Variants in STK32B observed in about 807,000 individuals in gnomAD.
The protein encoded by STK32B is serine/threonine-protein kinase 32B.
A neutral mutation model predicts 52.6 loss-of-function variants in STK32B; 43 were observed. The ratio of observed to expected loss-of-function variants is 0.82; its 90% CI spans 0.64 to 1.05. STK32B has a LOEUF of 1.05. Ranked by LOEUF, STK32B falls within the 50% of genes least tolerant of loss-of-function variation. The probability of loss-of-function intolerance (pLI) is 0.00; values close to 1 mark genes in which losing one functional copy is unlikely to be tolerated. For missense variants in STK32B, 621 were observed against 534.6 expected, an observed-to-expected ratio of 1.16 and a Z score of -1.59; for synonymous variants, 238 against 204.3, an observed-to-expected ratio of 1.17 and a Z score of -1.41.
At chr4:5,320,266 T>C (rs1012277936) in intron 3 of STK32B, among the ~76,000 whole-genome samples, 2 of 152,110 alleles carry the variant, frequency 1.3e-5, no homozygotes, top group Non-Finnish European at 2.9e-5. Context: ...GCCTGGTACA[T>C]AGTAGGTGTT....
At chr4:5,381,137 A>G (rs888622581) in intron 4 of STK32B, among the ~76,000 whole-genome samples, 2 of 152,246 alleles carry the variant, frequency 1.3e-5, no homozygotes, top group Non-Finnish European at 2.9e-5. Context: ...TGCCTGGCAC[A>G]CAGTAAGCTG....
intron 3 of STK32B, among the ~76,000 whole-genome samples, chr4:5,201,966 CA>C (rs1309705871): frequency 6.6e-6 from 1 of 152,188 alleles, no homozygotes; most frequent in African/African-American, 2.4e-5. Flanking sequence ...TCTCACATTT[CA>C]AAACACAATC....
At chr4:5,494,140 C>G (rs1284674104) in intron 11 of STK32B, among the ~76,000 whole-genome samples, 1 of 152,070 alleles carries the variant, frequency 6.6e-6, no homozygotes, top group East Asian at 1.9e-4. Flanking sequence ...TCTTTGTTAA[C>G]TTTCTGTCTC....
chr4:5,409,096 A>G (rs1323123116), intron 5 of STK32B, among the ~76,000 whole-genome samples: 1 of 152,108 alleles, frequency 6.6e-6, no homozygotes, highest in Non-Finnish European at 1.5e-5. Flanking sequence ...GAACTCCTCC[A>G]TCTATTGAGA....
chr4:5,033,145 A>G, the STK32B span, among the ~76,000 whole-genome samples: 9 of 152,306 alleles, frequency 5.9e-5, no homozygotes, highest in South Asian at 2.1e-4. Context: ...ACACTAGCCT[A>G]TAAGGGCCCC....
chr4:5,417,697 T>C (rs1333576674), intron 6 of STK32B, among the ~76,000 whole-genome samples: 1 of 152,246 alleles, frequency 6.6e-6, no homozygotes, highest in East Asian at 1.9e-4. Flanking sequence ...TTAATATCTT[T>C]ATTACGTGTT....
intron 11 of STK32B, among the ~76,000 whole-genome samples, chr4:5,487,194 C>A (rs1719297365): frequency 6.6e-6 from 1 of 152,088 alleles, no homozygotes; most frequent in Non-Finnish European, 1.5e-5. Context: ...GGGTCTTTGT[C>A]AGGGACCCAA....
intron 2 of STK32B, among the ~76,000 whole-genome samples, chr4:5,154,343 G>A (rs1045184707): frequency 6.6e-6 from 1 of 151,558 alleles, no homozygotes; most frequent in Non-Finnish European, 1.5e-5. Context: ...AGCCTCCCAA[G>A]TAGCTGAGAT....
At chr4:5,039,874 C>T in the STK32B span, among the ~76,000 whole-genome samples, 7 of 152,180 alleles carry the variant, frequency 4.6e-5, no homozygotes, top group African/African-American at 9.7e-5. Flanking sequence ...ATGCTGCACA[C>T]GACTGTTAAG....
At chr4:5,332,650 C>A (rs1198683833) in intron 4 of STK32B, among the ~76,000 whole-genome samples, 1 of 152,136 alleles carries the variant, frequency 6.6e-6, no homozygotes, top group Non-Finnish European at 1.5e-5. Flanking sequence ...TCCCCGCTGC[C>A]TCCACCCCAC....
chr4:5,220,050 A>C (rs1236314890), intron 3 of STK32B, among the ~76,000 whole-genome samples: 1 of 152,190 alleles, frequency 6.6e-6, no homozygotes. Flanking sequence ...GTACACACTA[A>C]AGCTTTTAAT....
intron 1 of STK32B, among the ~76,000 whole-genome samples, chr4:5,122,987 G>C (rs1715153933): frequency 1.3e-5 from 2 of 152,090 alleles, no homozygotes; most frequent in African/African-American, 4.8e-5. Context: ...ATTTCCTCCT[G>C]TGGCTGTGGA....
intron 1 of STK32B, among the ~76,000 whole-genome samples, chr4:5,086,113 A>G (rs574520767): frequency 6.6e-6 from 1 of 152,294 alleles, no homozygotes; most frequent in African/African-American, 2.4e-5. Context: ...CTTTAGAAGA[A>G]ATGCTGGGAA....
intron 3 of STK32B, among the ~76,000 whole-genome samples, chr4:5,212,305 G>A (rs1344634423): frequency 1.3e-5 from 2 of 152,130 alleles, no homozygotes; most frequent in East Asian, 3.9e-4. Context: ...GTCAGAACCA[G>A]GATTCAGACC....
rs780597100 is a variant in STK32B, at chr4:5,333,328, GT to G, written c.434+1942del. ...CCTTTGCCCACTTTTTGATGGGGTT[GT>G]TTTTTTCTTGTAAATTTGTTTGAGT... On this transcript the variant is annotated intron_variant, in intron 4 of 11. Transcript: ENST00000282908. 9.8e-3 allele frequency among the ~76,000 whole-genome samples: 1,486 copies of G among 152,236 alleles called. 11 individuals are homozygous for G. Among genetic ancestry groups the G allele is most frequent in the Non-Finnish European group, 0.016 (1,085 of 68,004 alleles).
intron 3 of STK32B, among the ~76,000 whole-genome samples, chr4:5,190,943 C>G (rs765613591): frequency 6.6e-6 from 1 of 152,150 alleles, no homozygotes; most frequent in Non-Finnish European, 1.5e-5. Flanking sequence ...CTTTGTGACT[C>G]CAGAGCCTGC....
At chr4:5,232,719 T>A (rs1472782330) in intron 3 of STK32B, among the ~76,000 whole-genome samples, 1 of 152,058 alleles carries the variant, frequency 6.6e-6, no homozygotes, top group Non-Finnish European at 1.5e-5. Context: ...ATTTGCTGAG[T>A]GTTTGCATGG....
the STK32B span, among the ~76,000 whole-genome samples, chr4:5,021,309 A>G: frequency 6.6e-6 from 1 of 152,200 alleles, no homozygotes; most frequent in African/African-American, 2.4e-5. Context: ...TTTGTAGGTG[A>G]GAATGTGTTC....
At chr4:5,244,939 A>C (rs1371834881) in intron 3 of STK32B, among the ~76,000 whole-genome samples, 1 of 152,214 alleles carries the variant, frequency 6.6e-6, no homozygotes, top group Non-Finnish European at 1.5e-5. Context: ...GTGGTCTGAG[A>C]CACAGTTTGT....
Sources: gnomAD v4.1 joint callset for allele counts (sites outside exome capture counted in the v4.1 genomes callset) on GRCh38, gnomAD v4.1.1 for gene constraint, MANE v1.5 for transcripts, NCBI Gene and HGNC (gene_info 2026-07-23, HGNC 2026-07-21) for gene names.